Variants in DENND1B observed in about 807,000 individuals in gnomAD.
DENND1B encodes the protein DENN domain containing 1B.
In DENND1B, 59 loss-of-function variants were observed where a neutral mutation model predicts 90.1. The observed-to-expected ratio is 0.65, with a 90% CI of 0.53 to 0.81. The LOEUF is 0.81. Among genes scored for constraint, DENND1B ranks in the 40% least tolerant of loss-of-function variants. The probability of loss-of-function intolerance (pLI) is 0.00; values close to 1 mark genes in which losing one functional copy is unlikely to be tolerated. For synonymous variants in DENND1B, 337 were observed against 324.6 expected (o/e 1.04, Z -0.41); for missense variants, 862 against 912.6 (o/e 0.94, Z 0.71).
In DENND1B at chr1:197,645,611, A is replaced by G. The variant is rs1680659274; in HGVS notation, c.561+79T>C. On this transcript the variant is annotated intron_variant, in intron 9 of 22. Coordinates refer to ENST00000620048, the MANE Select transcript of DENND1B (RefSeq NM_001195215.2). ...TACAATGTATCCTATTTCTCTATAT[A>G]AAAACGCATAAACAGTGAGACCAAA... 5 of 754,096 alleles carry G rather than the reference A, an allele frequency of 6.6e-6. No individual in the cohort carries two copies. The Middle Eastern group carries it at 1.6e-3, about 234-fold the overall frequency. The allele number at this position is 754,096 out of a possible 1,614,324, so 46.7% of individuals were successfully genotyped here. A position where few individuals can be genotyped will look rare whatever the true frequency, so the allele number is the denominator to read the frequency against.
chr1:197,588,589 A>C (rs1674916652), intron 14 of DENND1B, among the ~76,000 whole-genome samples: 1 of 152,148 alleles, frequency 6.6e-6, no homozygotes, highest in African/African-American at 2.4e-5. Flanking sequence ...GTATAAACAA[A>C]CTAAGCAAAA....
In DENND1B at chr1:197,642,934, T is replaced by C. The variant is rs1572168779; in HGVS notation, c.562-113A>G. 6.2e-6 allele frequency: 4 copies of C among 646,502 alleles called. No individual in the cohort carries two copies. The South Asian group carries it at 8.6e-5, about 14-fold the overall frequency. The allele number at this position is 646,502 out of a possible 1,614,324, so 40.0% of individuals were successfully genotyped here. A position where few individuals can be genotyped will look rare whatever the true frequency, so the allele number is the denominator to read the frequency against. ...GTTCAAAGGGTATTATTATTTAAAATGGTATTTATTAAAATAATTAAGTGT... is the reference window on the plus strand; with the variant it reads ...GTTCAAAGGGTATTATTATTTAAAACGGTATTTATTAAAATAATTAAGTGT... On this transcript the variant is annotated intron_variant, in intron 9 of 22. Coordinates refer to ENST00000620048, the MANE Select transcript of DENND1B (RefSeq NM_001195215.2).
chr1:197,607,831 A>G (rs913821154), intron 12 of DENND1B, among the ~76,000 whole-genome samples: 8 of 150,798 alleles, frequency 5.3e-5, no homozygotes, highest in African/African-American at 1.9e-4. Flanking sequence ...TTATCTCAAT[A>G]TGTCTACAAA....
intron 2 of DENND1B, among the ~76,000 whole-genome samples, chr1:197,765,815 C>A (rs1455981573): frequency 2.6e-5 from 4 of 152,170 alleles, no homozygotes. Flanking sequence ...CAAATGAAAG[C>A]ACCTAATGAG....
At chr1:197,540,935 TGG>T in intron 19 of DENND1B, 22 bp downstream of exon 19, 2 of 1,597,118 alleles carry the variant, frequency 1.3e-6, no homozygotes, top group East Asian at 4.5e-5. Context: ...CAAGGTAAAA[TGG>T]AAAAAAATGA....
Position 197,607,106 on chromosome 1 carries a change from T to C in DENND1B, c.888A>G (p.Pro296=), listed in dbSNP as rs1558299150. 6.2e-7 allele frequency: 1 copy of C among 1,606,378 alleles called. No homozygotes were observed. Among genetic ancestry groups the C allele is most frequent in the Non-Finnish European group, 8.5e-7 (1 of 1,175,272 alleles). The change falls in exon 13 of 23, where the codon CCA becomes CCG. Residue 296 remains proline, a synonymous_variant. Coordinates refer to ENST00000620048, the MANE Select transcript of DENND1B (RefSeq NM_001195215.2). ...TTGGTAGGTTGTTCAAGTCACTAAA[T>C]GGTGATTCTAATGTGTTTGTATCAA... ...LNVDTNTLES[P]FSDLNNLPSD... is the part of the protein sequence containing the mutation.
At chr1:197,649,261 C>T (rs74134862) in intron 7 of DENND1B, among the ~76,000 whole-genome samples, 3,232 of 152,214 alleles carry the variant, frequency 0.021, 100 homozygotes, top group African/African-American at 0.072. Flanking sequence ...AACGTTTTAA[C>T]AAATTCTATA....
At chr1:197,701,382 G>C (rs558055095) in intron 3 of DENND1B, among the ~76,000 whole-genome samples, 1 of 152,222 alleles carries the variant, frequency 6.6e-6, no homozygotes, top group East Asian at 1.9e-4. Context: ...TGAACAATGA[G>C]AATACATGGA....
chr1:197,735,622 G>A lies in DENND1B; in HGVS notation c.83-20548C>T, dbSNP rs746867960. 6 of 1,614,160 alleles carry A rather than the reference G, an allele frequency of 3.7e-6. No individual in the cohort carries two copies. In the South Asian group the frequency reaches 5.5e-5, roughly 15 times the overall value. On this transcript the variant is annotated intron_variant, in intron 2 of 22. Transcript: ENST00000620048. Reference sequence around the variant, plus strand: ...GGTTGGGGCCATCTTTTCTCCTCCCGTGGAGCTGCCGCCATGAAGGTCGAG... The same window carrying A: ...GGTTGGGGCCATCTTTTCTCCTCCCATGGAGCTGCCGCCATGAAGGTCGAG...
intron 5 of DENND1B, among the ~76,000 whole-genome samples, chr1:197,669,720 A>G (rs544698843): frequency 6.6e-6 from 1 of 152,106 alleles, no homozygotes; most frequent in Admixed American, 6.5e-5. Flanking sequence ...ATTTTCCTCT[A>G]TGATTTTTTC....
At chr1:197,564,395 C>CAAAAA (rs71131780) in intron 15 of DENND1B, among the ~76,000 whole-genome samples, 901 of 62,454 alleles carry the variant, frequency 0.014, 16 homozygotes, top group East Asian at 0.029. Flanking sequence ...CCTCCACCAG[C>CAAAAA]AAAAAAAAAA....
chr1:197,707,818 G>T (rs916089219), intron 3 of DENND1B, among the ~76,000 whole-genome samples: 1 of 147,496 alleles, frequency 6.8e-6, no homozygotes, highest in Non-Finnish European at 1.5e-5. Context: ...CTGAGGTACC[G>T]GGTTCATCTC....
At chr1:197,563,763 G>C (rs1409889852) in intron 15 of DENND1B, among the ~76,000 whole-genome samples, 1 of 151,950 alleles carries the variant, frequency 6.6e-6, no homozygotes, top group Non-Finnish European at 1.5e-5. Context: ...TCTGGGGAAA[G>C]TAAATTGAAA....
intron 5 of DENND1B, among the ~76,000 whole-genome samples, chr1:197,669,015 C>T (rs1361821024): frequency 6.6e-6 from 1 of 152,042 alleles, no homozygotes; most frequent in African/African-American, 2.4e-5. Flanking sequence ...TACATTTCCT[C>T]TGTAAGTTAT....
At chr1:197,706,503 A>G (rs1659549541) in intron 3 of DENND1B, among the ~76,000 whole-genome samples, 1 of 152,214 alleles carries the variant, frequency 6.6e-6, no homozygotes, top group Non-Finnish European at 1.5e-5. Flanking sequence ...AACCAACAGA[A>G]TGGGAGAATG....
At chr1:197,582,331 A>G (rs1189413505) in intron 15 of DENND1B, among the ~76,000 whole-genome samples, 1 of 152,178 alleles carries the variant, frequency 6.6e-6, no homozygotes, top group Non-Finnish European at 1.5e-5. Context: ...CAAAAAAATT[A>G]TTAGACTGTC....
chr1:197,616,499 T>A (rs1677658767), intron 11 of DENND1B, among the ~76,000 whole-genome samples: 1 of 151,004 alleles, frequency 6.6e-6, no homozygotes, highest in African/African-American at 2.4e-5. Flanking sequence ...CAATGGTAGG[T>A]CACTGGGCAC....
At chr1:197,738,385 C>T (rs1428429454) in intron 2 of DENND1B, among the ~76,000 whole-genome samples, 2 of 152,170 alleles carry the variant, frequency 1.3e-5, no homozygotes, top group East Asian at 3.9e-4. Flanking sequence ...GGAACTACAT[C>T]TTATACCCAG....
At chr1:197,549,733 A>C (rs1389730695) in intron 16 of DENND1B, among the ~76,000 whole-genome samples, 1 of 152,134 alleles carries the variant, frequency 6.6e-6, no homozygotes, top group Non-Finnish European at 1.5e-5. Flanking sequence ...TTTTAAGTTA[A>C]GTTAAAATTT....
Sources: gnomAD v4.1 joint callset for allele counts (sites outside exome capture counted in the v4.1 genomes callset) on GRCh38, gnomAD v4.1.1 for gene constraint, MANE v1.5 for transcripts, NCBI Gene and HGNC (gene_info 2026-07-23, HGNC 2026-07-21) for gene names.